The following PTPRS variants were observed in gnomAD, a reference collection of about 807,000 sequenced individuals.
The protein encoded by PTPRS is receptor-type tyrosine-protein phosphatase S.
PTPRS carries 63 observed loss-of-function variants against 215.3 expected under a neutral mutation model. The observed-to-expected ratio is 0.29, with a 90% CI of 0.24 to 0.36. The LOEUF is 0.36. Among genes scored for constraint, PTPRS ranks in the 10% least tolerant of loss-of-function variants. The pLI is 1.00. For synonymous variants in PTPRS, 1,404 were observed against 1,191.4 expected (o/e 1.18, Z -3.68); for missense variants, 2,258 against 2,825.8 (o/e 0.80, Z 4.56).
chr19:5,218,612 C>T, intron 24 of PTPRS, 80 bp from the exon 25 acceptor site: 3 of 1,537,358 alleles, frequency 2.0e-6, no homozygotes, highest in Non-Finnish European at 2.7e-6. Context: ...CCCAGGAATG[C>T]ATGGTAAGAA....
At chr19:5,318,489 G>A (rs973549712) in intron 1 of PTPRS, among the ~76,000 whole-genome samples, 10 of 152,144 alleles carry the variant, frequency 6.6e-5, no homozygotes, top group Middle Eastern at 3.2e-3. Flanking sequence ...CAGGTGACTC[G>A]ACTCTCTAGG....
intron 1 of PTPRS, among the ~76,000 whole-genome samples, chr19:5,336,116 T>A (rs2050491168): frequency 6.6e-6 from 1 of 151,606 alleles, no homozygotes; most frequent in South Asian, 2.1e-4. Flanking sequence ...TGGAGAAGTG[T>A]AAGCCAATTG....
intron 9 of PTPRS, among the ~76,000 whole-genome samples, chr19:5,253,260 G>A (rs1438249147): frequency 6.6e-6 from 1 of 152,174 alleles, no homozygotes; most frequent in Non-Finnish European, 1.5e-5. Flanking sequence ...ATTTCAGGAG[G>A]AGAAGGGCAA....
chr19:5,218,413 T>G lies in PTPRS; in HGVS notation c.4048+7A>C. 4 of 1,610,850 alleles carry G rather than the reference T, an allele frequency of 2.5e-6. No individual in the cohort carries two copies. Among genetic ancestry groups the G allele is most frequent in the Non-Finnish European group, 3.4e-6 (4 of 1,177,580 alleles). ...TGGCATCCCTGGTACCAGGGATAAG[T>G]ACATACCTGGAGTCTGGAAGTTAAT... is the stretch of plus-strand genomic sequence containing the variant. On this transcript the variant is annotated splice_region_variant and intron_variant, in intron 25 of 37. Coordinates refer to ENST00000262963, the MANE Select transcript of PTPRS (RefSeq NM_002850.4).
intron 1 of PTPRS, among the ~76,000 whole-genome samples, chr19:5,312,856 GCATGGCGGCAGCAGAGGGGGGA>G (rs1269660082): frequency 6.6e-6 from 1 of 152,176 alleles, no homozygotes; most frequent in Non-Finnish European, 1.5e-5. Context: ...AGGTCACACA[GCATGGCGGCAGCAGAGGGGGGA>G]CATGAGTCCA....
rs190640804 is a variant in PTPRS, at chr19:5,268,094, C to T, written c.380-2898G>A. Among the ~76,000 whole-genome samples, 78 of 152,162 alleles carry T rather than the reference C, an allele frequency of 5.1e-4. 1 individual carries two copies. Among genetic ancestry groups the T allele is most frequent in the African/African-American group, 1.8e-3 (76 of 41,510 alleles). ...CTGAGGCAGGAGAATGGCGTGAAGC[C>T]GGGAGGCGGACTTTGCAGTGAGCAG... On this transcript the variant is annotated intron_variant, in intron 4 of 37. Coordinates refer to ENST00000262963, the MANE Select transcript of PTPRS (RefSeq NM_002850.4).
intron 3 of PTPRS, among the ~76,000 whole-genome samples, chr19:5,273,955 T>C (rs1377804250): frequency 6.6e-6 from 1 of 152,166 alleles, no homozygotes; most frequent in Non-Finnish European, 1.5e-5. Flanking sequence ...AGTGGTGCTG[T>C]GTACACTGCA....
In PTPRS at chr19:5,229,589, C is replaced by T. The variant is rs2042839953; in HGVS notation, c.2251G>A (p.Gly751Ser). 1 of 1,434,696 alleles carries T rather than the reference C, an allele frequency of 7.0e-7. No homozygotes were observed. The highest frequency in any genetic ancestry group is 9.1e-7 in the Non-Finnish European group (1 of 1,094,240). 88.9% of individuals were successfully genotyped at this position (1,434,696 alleles called of 1,614,324 possible). Residue 751 changes from glycine (G) to serine (S), a missense_variant, in exon 15 of 38, where the codon GGC becomes AGC. Physicochemically the swap from Gly to Ser is moderately conservative, Grantham distance 56. Coordinates refer to ENST00000262963, the MANE Select transcript of PTPRS (RefSeq NM_002850.4). ...WRSPAPGRQH[G>S]QIRGYQVHYV... is the part of the protein sequence containing the mutation. ...TGGACCTGGTAGCCGCGGATCTGGC[C>T]GTGCTGCCGGCCGGGCGCGGGCGAG... is the stretch of plus-strand genomic sequence containing the variant.
intron 17 of PTPRS, 111 bp downstream of exon 17, chr19:5,225,616 C>G: frequency 1.1e-6 from 1 of 951,922 alleles, no homozygotes; most frequent in South Asian, 1.4e-5. Context: ...GTTCCAGCTG[C>G]CTGGTGCACC....
At chr19:5,240,111 CAA>C (rs879665351) in intron 12 of PTPRS, 86 bp downstream of exon 12, 392 of 1,372,464 alleles carry the variant, frequency 2.9e-4, no homozygotes, top group Middle Eastern at 5.4e-4. Context: ...CACATAGGGA[CAA>C]AGAGGGGGAA....
chr19:5,334,358 T>C (rs995015301), intron 1 of PTPRS, among the ~76,000 whole-genome samples: 10 of 152,180 alleles, frequency 6.6e-5, no homozygotes, highest in Admixed American at 2.6e-4. Flanking sequence ...AGAATAGAGG[T>C]GGCAGCTACA....
Position 5,294,565 on chromosome 19 carries a change from CAGA to C in PTPRS, c.-94-8334_-94-8332del, listed in dbSNP as rs2147045121. The C allele has an allele frequency of 6.6e-6, 1 of 152,274 alleles. No individual in the cohort carries two copies. The highest frequency in any genetic ancestry group is 2.1e-4 in the South Asian group (1 of 4,824). 9.4% of individuals were successfully genotyped at this position (152,274 alleles called of 1,614,324 possible). A position where few individuals can be genotyped will look rare whatever the true frequency, so the allele number is the denominator to read the frequency against. On this transcript the variant is annotated intron_variant, in intron 1 of 37. Coordinates refer to ENST00000262963, the MANE Select transcript of PTPRS (RefSeq NM_002850.4). This position sits in a 1 kb window ranked among gnomAD's most constrained non-coding sequence, Gnocchi z 5.1. The stretch of plus-strand genomic sequence containing the variant: ...CACACAGGCGGCTGTGAGAGCCCAG[CAGA>C]AACAATTCCGCTCCCACGGCTCCCG...
chr19:5,222,724 G>A lies in PTPRS; in HGVS notation c.3068C>T (p.Pro1023Leu), dbSNP rs1303233646. Residue 1023 changes from proline to leucine, a missense_variant, in exon 18 of 38, where the codon CCC becomes CTC. Pro to Leu is a moderately conservative substitution (Grantham distance 98). This residue lies in a region of PTPRS where 361 missense variants were observed against 332.6 expected (regional missense o/e 1.09). Transcript: ENST00000262963. Reference protein sequence around the residue: ...HTRRGPGPFSPPVRYRTFLRD... With the variant: ...HTRRGPGPFSLPVRYRTFLRD... ...CAGGAACGTCCGGTAGCGGACGGGGGGGCTGAAGGGGCCAGGGCCCCGGCG... is the reference window on the plus strand; with the variant it reads ...CAGGAACGTCCGGTAGCGGACGGGGAGGCTGAAGGGGCCAGGGCCCCGGCG... 2.5e-6 allele frequency: 4 copies of A among 1,596,010 alleles called. No individual in the cohort carries two copies. Among genetic ancestry groups the A allele is most frequent in the Non-Finnish European group, 3.4e-6 (4 of 1,177,184 alleles).
chr19:5,213,632 G>A (rs1231975546), intron 30 of PTPRS, among the ~76,000 whole-genome samples: 1 of 151,856 alleles, frequency 6.6e-6, no homozygotes, highest in Non-Finnish European at 1.5e-5. Context: ...TAGGGAGTGA[G>A]ATATAACATA....
chr19:5,331,332 T>G (rs1302701462), intron 1 of PTPRS, among the ~76,000 whole-genome samples: 1 of 151,870 alleles, frequency 6.6e-6, no homozygotes, highest in Non-Finnish European at 1.5e-5. Context: ...GAGGTCTCAC[T>G]GTGTTGCCCA....
intron 4 of PTPRS, among the ~76,000 whole-genome samples, chr19:5,269,156 T>C (rs2046687928): frequency 6.6e-6 from 1 of 152,044 alleles, no homozygotes; most frequent in South Asian, 2.1e-4. Flanking sequence ...CGTGGGTACA[T>C]GTGTGCCGCA....
chr19:5,211,814 C>G, intron 32 of PTPRS, 46 bp from the exon 33 acceptor site: 1 of 1,599,638 alleles, frequency 6.3e-7, no homozygotes, highest in Non-Finnish European at 8.6e-7. Context: ...ATGAGGAAGG[C>G]TATGCTTTCA....
intron 1 of PTPRS, among the ~76,000 whole-genome samples, chr19:5,302,444 A>G (rs1689408434): frequency 6.6e-6 from 1 of 152,224 alleles, no homozygotes; most frequent in Non-Finnish European, 1.5e-5. Flanking sequence ...ACAGTATCGC[A>G]TATCTCTAAG....
chr19:5,233,838 C>A (rs1303577581), intron 13 of PTPRS, among the ~76,000 whole-genome samples: 1 of 145,156 alleles, frequency 6.9e-6, no homozygotes, highest in Non-Finnish European at 1.5e-5. Flanking sequence ...CCCAGCTACT[C>A]GGGAGGCTGA....
Sources: gnomAD v4.1 joint callset for allele counts (sites outside exome capture counted in the v4.1 genomes callset) on GRCh38, gnomAD v4.1.1 for gene constraint, gnomAD v4.1.1 regional missense constraint, Gnocchi (gnomAD v3.1) non-coding constraint, MANE v1.5 for transcripts, NCBI Gene and HGNC (gene_info 2026-07-23, HGNC 2026-07-21) for gene names.